PTPRQ: variants seen among roughly 807,000 people sequenced by gnomAD.
PTPRQ encodes the protein protein tyrosine phosphatase receptor type Q.
In PTPRQ, 199 loss-of-function variants were observed where a neutral mutation model predicts 246.0. The observed-to-expected ratio is 0.81, with a 90% confidence interval of 0.72 to 0.91. PTPRQ has a LOEUF of 0.91. Ranked by LOEUF, PTPRQ falls within the 40% of genes least tolerant of loss-of-function variation. PTPRQ has a pLI of 0.00. For missense variants in PTPRQ, 2,624 were observed against 2,528.4 expected, an observed-to-expected ratio of 1.04 and a Z score of -0.81; for synonymous variants, 869 against 853.2, an observed-to-expected ratio of 1.02 and a Z score of -0.32.
At chr12:80,505,781 G>A (rs1331990392) in intron 14 of PTPRQ, among the ~76,000 whole-genome samples, 9 of 151,878 alleles carry the variant, frequency 5.9e-5, no homozygotes, top group South Asian at 2.1e-4. Flanking sequence ...TTTAGTAAAC[G>A]TATCATCTTA....
In PTPRQ at chr12:80,542,074, C is replaced by A; in HGVS notation, c.3446-15C>A. On this transcript the variant is annotated splice_polypyrimidine_tract_variant and intron_variant, in intron 21 of 44. Coordinates refer to ENST00000644991, the MANE Select transcript of PTPRQ (RefSeq NM_001145026.2). ...TCACTTTTGTTTCATTTAATATTCTCTTTTTCTTTTATAGTCCCAGAAACT... is the reference window on the plus strand; with the variant it reads ...TCACTTTTGTTTCATTTAATATTCTATTTTTCTTTTATAGTCCCAGAAACT... 6.5e-7 allele frequency: 1 copy of A among 1,530,666 alleles called. No homozygotes were observed. The highest frequency in any genetic ancestry group is 1.3e-5 in the South Asian group (1 of 78,272). The allele number at this position is 1,530,666 out of a possible 1,614,324, so 94.8% of individuals were successfully genotyped here.
At chr12:80,544,068 G>C (rs903737838) in intron 23 of PTPRQ, among the ~76,000 whole-genome samples, 1 of 152,058 alleles carries the variant, frequency 6.6e-6, no homozygotes, top group Non-Finnish European at 1.5e-5. Flanking sequence ...CCTCAGAATG[G>C]TGATCTGTAA....
At chr12:80,481,736 C>A (rs1894067611) in intron 8 of PTPRQ, among the ~76,000 whole-genome samples, 3 of 152,082 alleles carry the variant, frequency 2.0e-5, no homozygotes, top group African/African-American at 4.8e-5. Context: ...CAACAACAGA[C>A]AAACAGAGAG....
chr12:80,476,162 G>A (rs1893804339), intron 8 of PTPRQ, among the ~76,000 whole-genome samples: 1 of 151,646 alleles, frequency 6.6e-6, no homozygotes, highest in South Asian at 2.1e-4. Flanking sequence ...CATAAAAACT[G>A]CAAAATAAAA....
At chr12:80,541,449 C>A in intron 20 of PTPRQ, 106 bp from the exon 21 acceptor site, 3 of 792,988 alleles carry the variant, frequency 3.8e-6, no homozygotes, top group Non-Finnish European at 5.2e-6. Context: ...AATTTAAGAG[C>A]TGATGATGTA....
chr12:80,470,490 A>G (rs895352304), intron 7 of PTPRQ, among the ~76,000 whole-genome samples: 1 of 152,208 alleles, frequency 6.6e-6, no homozygotes, highest in African/African-American at 2.4e-5. Flanking sequence ...ATAATCTTCT[A>G]GAAGAGTAGA....
In PTPRQ at chr12:80,530,291, G is replaced by A. The variant is rs192631923; in HGVS notation, c.2679-3724G>A. Among the ~76,000 whole-genome samples the A allele has an allele frequency of 2.0e-5, 3 of 152,214 alleles. No individual in the cohort carries two copies. The East Asian group carries it at 5.8e-4, about 29-fold the overall frequency. ...AAAAGTTATTGTCCTTGTCCTTAAGGAAGTCACATTGTCATTAGCAAATTG... is the reference window on the plus strand; with the variant it reads ...AAAAGTTATTGTCCTTGTCCTTAAGAAAGTCACATTGTCATTAGCAAATTG... On this transcript the variant is annotated intron_variant, in intron 17 of 44. Transcript: ENST00000644991.
At chr12:80,549,825 C>G (rs1441113503) in intron 25 of PTPRQ, 91 bp downstream of exon 25, 4 of 1,425,904 alleles carry the variant, frequency 2.8e-6, no homozygotes, top group East Asian at 2.5e-5. Flanking sequence ...GCATACTTAT[C>G]TAAACATACA....
chr12:80,646,843 G>A (rs1274245323), intron 35 of PTPRQ, among the ~76,000 whole-genome samples: 1 of 151,972 alleles, frequency 6.6e-6, no homozygotes, highest in Non-Finnish European at 1.5e-5. Context: ...TCACTGAAAA[G>A]ACATGAACTT....
At chr12:80,638,172 GC>G (rs1474958306) in intron 35 of PTPRQ, among the ~76,000 whole-genome samples, 1 of 151,746 alleles carries the variant, frequency 6.6e-6, no homozygotes, top group African/African-American at 2.4e-5. Context: ...GGAGGCTGAG[GC>G]AGGAGAATCA....
intron 3 of PTPRQ, among the ~76,000 whole-genome samples, chr12:80,455,573 A>T (rs551312170): frequency 6.8e-6 from 1 of 147,456 alleles, no homozygotes; most frequent in South Asian, 2.2e-4. Context: ...TTTATAAAAA[A>T]GTCTCGTCCT....
rs1896166165 is a variant in PTPRQ at position 80,541,922 on chromosome 12, T to C, written c.3445+77T>C. 8 of 1,465,434 alleles carry C rather than the reference T, an allele frequency of 5.5e-6. No individual in the cohort carries two copies. In the South Asian group the frequency reaches 1.0e-4, roughly 19 times the overall value. The allele number at this position is 1,465,434 out of a possible 1,614,324, so 90.8% of individuals were successfully genotyped here. A position where few individuals can be genotyped will look rare whatever the true frequency, so the allele number is the denominator to read the frequency against. On this transcript the variant is annotated intron_variant, in intron 21 of 44. Transcript: ENST00000644991. ...TACATTGCTTTCTGATAGGAAATAGTCTTCAATTATATTGATTCTGTTTGA... is the reference window on the plus strand; with the variant it reads ...TACATTGCTTTCTGATAGGAAATAGCCTTCAATTATATTGATTCTGTTTGA...
intron 14 of PTPRQ, among the ~76,000 whole-genome samples, chr12:80,498,367 G>A (rs1335469083): frequency 6.6e-6 from 1 of 151,980 alleles, no homozygotes; most frequent in East Asian, 1.9e-4. Flanking sequence ...TAAGTCTAAC[G>A]AAAAATGGAG....
chr12:80,499,515 C>T (rs7968957), intron 14 of PTPRQ, among the ~76,000 whole-genome samples: 129,203 of 151,750 alleles, frequency 0.85, 55,844 homozygotes, highest in Non-Finnish European at 0.93. Context: ...GGGTTTAGGC[C>T]CAAAATAATC....
intron 14 of PTPRQ, among the ~76,000 whole-genome samples, chr12:80,498,054 T>A (rs1592584823): frequency 6.6e-6 from 1 of 151,984 alleles, no homozygotes; most frequent in Admixed American, 6.6e-5. Flanking sequence ...AGTGCAGGAA[T>A]AAGAAAGTAA....
chr12:80,658,310 C>T (rs1900512002), intron 39 of PTPRQ, among the ~76,000 whole-genome samples: 1 of 152,026 alleles, frequency 6.6e-6, no homozygotes, highest in Non-Finnish European at 1.5e-5. Context: ...CTACACATCC[C>T]TGATCTTTCC....
intron 24 of PTPRQ, among the ~76,000 whole-genome samples, chr12:80,548,930 A>G (rs931486797): frequency 3.3e-5 from 5 of 152,088 alleles, no homozygotes; most frequent in Non-Finnish European, 7.4e-5. Context: ...CTTCCTTCCA[A>G]TGATGTCTAC....
Position 80,634,166 on chromosome 12 carries a change from G to T in PTPRQ, c.5787-779G>T, listed in dbSNP as rs191498989. ...CATGTTTTTTCTGCATTGAAATCTT[G>T]CCTCTCAACTAAATTGTAATGTCTT... On this transcript the variant is annotated intron_variant, in intron 34 of 44. Coordinates refer to ENST00000644991, the MANE Select transcript of PTPRQ (RefSeq NM_001145026.2). 1.3e-3 allele frequency among the ~76,000 whole-genome samples: 193 copies of T among 152,046 alleles called. No individual in the cohort carries two copies. In the Middle Eastern group the frequency reaches 0.014, roughly 11 times the overall value.
intron 25 of PTPRQ, among the ~76,000 whole-genome samples, chr12:80,553,908 T>C (rs1473286309): frequency 1.3e-5 from 2 of 152,168 alleles, no homozygotes; most frequent in African/African-American, 4.8e-5. Flanking sequence ...AAACTTAGCA[T>C]AACGTGGATG....
Sources: allele counts gnomAD v4.1 joint callset (sites outside exome capture counted in the v4.1 genomes callset), GRCh38; gene constraint gnomAD v4.1.1; transcripts MANE v1.5; gene names NCBI Gene and HGNC (gene_info 2026-07-23, HGNC 2026-07-21).